The following NUP155 variants were observed in gnomAD, a reference collection of about 807,000 sequenced individuals.
NUP155 encodes the protein nuclear pore complex protein Nup155.
NUP155 carries 71 observed loss-of-function variants against 180.4 expected under a neutral mutation model. The observed-to-expected ratio is 0.39, with a 90% CI of 0.33 to 0.48. The LOEUF is 0.48. Among genes scored for constraint, NUP155 ranks in the 20% least tolerant of loss-of-function variants. The pLI, the probability that NUP155 is intolerant of heterozygous loss-of-function variation, is 0.91. For missense variants in NUP155, 1,553 were observed against 1,648.9 expected (o/e 0.94, Z 1.01); for synonymous variants, 582 against 559.5 (o/e 1.04, Z -0.57).
chr5:37,323,569 TTA>T (rs1744386085), intron 20 of NUP155, among the ~76,000 whole-genome samples: 1 of 150,988 alleles, frequency 6.6e-6, no homozygotes, highest in South Asian at 2.1e-4. Context: ...TATATTCCAT[TTA>T]TATAACTATA....
intron 27 of NUP155, among the ~76,000 whole-genome samples, chr5:37,303,920 C>CT (rs1402013826): frequency 6.6e-6 from 1 of 151,588 alleles, no homozygotes; most frequent in Non-Finnish European, 1.5e-5. Context: ...GCACTTCAGC[C>CT]TAAGCTACAG....
intron 19 of NUP155, among the ~76,000 whole-genome samples, chr5:37,324,916 G>A (rs1041175436): frequency 5.9e-5 from 9 of 151,684 alleles, no homozygotes; most frequent in East Asian, 1.9e-4. Context: ...AGTGGAGGCC[G>A]AGGTGGGCGG....
At chr5:37,298,736 G>C in intron 32 of NUP155, 132 bp downstream of exon 32, 4 of 669,752 alleles carry the variant, frequency 6.0e-6, no homozygotes. Flanking sequence ...TTTCCGGAGA[G>C]GCAGAATTAA....
chr5:37,363,810 T>C (rs1747370781), intron 3 of NUP155, 78 bp downstream of exon 3: 2 of 945,128 alleles, frequency 2.1e-6, no homozygotes, highest in East Asian at 4.8e-5. Context: ...CCAAGCAGCT[T>C]CTAATGAGAA....
intron 5 of NUP155, among the ~76,000 whole-genome samples, chr5:37,351,776 T>C (rs549825897): frequency 2.0e-5 from 3 of 152,100 alleles, no homozygotes; most frequent in East Asian, 3.9e-4. Context: ...ACAATTAACA[T>C]AGTCAACAGC....
At chr5:37,330,794 T>C (rs1024937395) in intron 14 of NUP155, among the ~76,000 whole-genome samples, 1 of 152,190 alleles carries the variant, frequency 6.6e-6, no homozygotes, top group South Asian at 2.1e-4. Flanking sequence ...GTGCTTTTAA[T>C]GAAAAGGCAT....
chr5:37,351,254 G>C lies in NUP155; in HGVS notation c.659C>G (p.Ser220Cys), dbSNP rs778320860. ...CAAGAAAATTCTGCCATTATCAGTG[G>C]AAGTTATTGTTAAAAGGTAAGTATT... ...TDNTYLLTIT[S>C]TDNGRIFLAG... is the part of the protein sequence containing the mutation. Residue 220 changes from serine to cysteine, a missense_variant, in exon 6 of 35, where the codon TCC becomes TGC. By Grantham distance (112) the Ser-to-Cys change is moderately radical. Transcript: ENST00000231498. The C allele has an allele frequency of 6.2e-7, 1 of 1,613,604 alleles. No homozygotes were observed. Among genetic ancestry groups the C allele is most frequent in the Non-Finnish European group, 8.5e-7 (1 of 1,179,662 alleles).
Position 37,352,749 on chromosome 5 carries a change from T to C in NUP155, c.544A>G (p.Asn182Asp). The change falls in exon 5 of 35, where the codon AAT (asparagine) becomes GAT (aspartate). Residue 182 changes from asparagine (N) to aspartate (D), a missense_variant. Transcript: ENST00000231498. The part of the protein sequence containing the change: ...DIVILGLSYA[N>D]LQTGSGVLND... ...TGGGTTGCCATACCTGTTTGCAAAT[T>C]AGCATAGCTGAGTCCAAGAATTACT... is the stretch of plus-strand genomic sequence containing the variant. The C allele has an allele frequency of 4.3e-6, 7 of 1,612,418 alleles. No individual in the cohort carries two copies. The highest frequency in any genetic ancestry group is 5.9e-6 in the Non-Finnish European group (7 of 1,178,574).
At chr5:37,360,120 A>C (rs1486951647) in intron 3 of NUP155, among the ~76,000 whole-genome samples, 1 of 151,910 alleles carries the variant, frequency 6.6e-6, no homozygotes, top group East Asian at 1.9e-4. Context: ...TCTGTCTCAA[A>C]AAAAAGGGAG....
chr5:37,356,148 G>A (rs377079560), intron 4 of NUP155, among the ~76,000 whole-genome samples: 1 of 147,546 alleles, frequency 6.8e-6, no homozygotes, highest in Non-Finnish European at 1.5e-5. Context: ...AGAATCGCTT[G>A]AACCCAGGAG....
At chr5:37,349,101 A>T in intron 8 of NUP155, 71 bp downstream of exon 8, 4 of 375,394 alleles carry the variant, frequency 1.1e-5, no homozygotes, top group Non-Finnish European at 2.0e-5. Flanking sequence ...AAAATTTAAG[A>T]GGTGGGAATT....
At position 37,349,250 on chromosome 5, in the gene NUP155, A is replaced by C. The variant is rs1003604774; in HGVS notation, c.830-5T>G. 2 of 822,328 alleles carry C rather than the reference A, an allele frequency of 2.4e-6. No homozygotes were observed. The highest frequency in any genetic ancestry group is 1.7e-5 in the African/African-American group (1 of 57,276). 50.9% of individuals were successfully genotyped at this position (822,328 alleles called of 1,614,324 possible). A position where few individuals can be genotyped will look rare whatever the true frequency, so the allele number is the denominator to read the frequency against. ...TTGCAATTTGAAGAATAGGATCTAAAAGTAAGACAAAAAAAAAAAAGAGAA... is the reference window on the plus strand; with the variant it reads ...TTGCAATTTGAAGAATAGGATCTAACAGTAAGACAAAAAAAAAAAAGAGAA... On this transcript the variant is annotated splice_polypyrimidine_tract_variant and splice_region_variant and intron_variant, in intron 7 of 34. Coordinates refer to ENST00000231498, the MANE Select transcript of NUP155 (RefSeq NM_153485.3).
At chr5:37,313,169 G>A (rs1453322350) in intron 22 of NUP155, among the ~76,000 whole-genome samples, 5 of 152,060 alleles carry the variant, frequency 3.3e-5, no homozygotes, top group East Asian at 1.9e-4. Flanking sequence ...GGTGGGTCAC[G>A]TCTGTAATCC....
intron 10 of NUP155, among the ~76,000 whole-genome samples, chr5:37,341,559 G>C (rs922194991): frequency 3.3e-5 from 5 of 150,396 alleles, no homozygotes; most frequent in Non-Finnish European, 7.4e-5. Flanking sequence ...ATTTTTTTTT[G>C]AGACAGAATC....
chr5:37,318,138 A>T (rs1561780535), intron 20 of NUP155, 53 bp from the exon 21 acceptor site: 1 of 960,874 alleles, frequency 1.0e-6, no homozygotes, highest in South Asian at 1.3e-5. Flanking sequence ...ATTGAGATAT[A>T]ACACATACAG....
At chr5:37,330,661 G>C (rs1744897443) in intron 14 of NUP155, among the ~76,000 whole-genome samples, 1 of 151,944 alleles carries the variant, frequency 6.6e-6, no homozygotes, top group Admixed American at 6.6e-5. Flanking sequence ...ATCAATTCCA[G>C]TTGTGGCTCT....
At chr5:37,351,392 C>A in intron 5 of NUP155, 36 bp from the exon 6 acceptor site, 1 of 1,418,096 alleles carries the variant, frequency 7.1e-7, no homozygotes, top group Non-Finnish European at 9.9e-7. Context: ...AGTTTATTAG[C>A]TACTCCACAG....
At chr5:37,305,411 G>A (rs1212195239) in intron 25 of NUP155, among the ~76,000 whole-genome samples, 4 of 152,132 alleles carry the variant, frequency 2.6e-5, no homozygotes, top group Non-Finnish European at 4.4e-5. Flanking sequence ...GCTGGGCACA[G>A]TGCCTCACAC....
In NUP155 at chr5:37,298,921, T is replaced by C; in HGVS notation, c.3740A>G (p.Lys1247Arg). Residue 1247 changes from lysine to arginine, a missense_variant, in exon 32 of 35, where the codon AAG (lysine) becomes AGG (arginine). By Grantham distance (26) the Lys-to-Arg change is conservative (BLOSUM62 2). Coordinates refer to ENST00000231498, the MANE Select transcript of NUP155 (RefSeq NM_153485.3). ...SSDRMHALSL[K>R]IVLLGKIYAG... ...ATAAATTTTGCCAAGGAGAACAATC[T>C]TGAGACTAAGAGCATGCATTCTATC... 6.2e-7 allele frequency: 1 copy of C among 1,613,648 alleles called. No homozygotes were observed. The highest frequency in any genetic ancestry group is 8.5e-7 in the Non-Finnish European group (1 of 1,179,586).
Sources: gnomAD v4.1 joint callset for allele counts (sites outside exome capture counted in the v4.1 genomes callset) on GRCh38, gnomAD v4.1.1 for gene constraint, MANE v1.5 for transcripts, NCBI Gene and HGNC (gene_info 2026-07-23, HGNC 2026-07-21) for gene names.